Variants in DAB1 observed in about 807,000 individuals in gnomAD.
The protein encoded by DAB1 is disabled homolog 1.
A neutral mutation model predicts 64.6 loss-of-function variants in DAB1; 15 were observed. The observed-to-expected ratio is 0.23, with a 90% confidence interval of 0.16 to 0.36. The LOEUF is 0.36. DAB1 is among the 10% of genes least tolerant of loss of function. The pLI is 1.00. For missense variants in DAB1, 596 were observed against 706.7 expected (o/e 0.84, Z 1.78); for synonymous variants, 235 against 251.9 (o/e 0.93, Z 0.64).
At chr1:57,690,813 G>C (rs1180532379) in intron 6 of DAB1, among the ~76,000 whole-genome samples, 1 of 152,048 alleles carries the variant, frequency 6.6e-6, no homozygotes, top group Non-Finnish European at 1.5e-5. Flanking sequence ...ATTTGTTATT[G>C]CCTGCATTTT....
chr1:58,053,533 C>A (rs916029732), intron 5 of DAB1, among the ~76,000 whole-genome samples: 1 of 152,130 alleles, frequency 6.6e-6, no homozygotes, highest in Non-Finnish European at 1.5e-5. Flanking sequence ...AGGAATCTGC[C>A]CCCATCACTC....
intron 4 of DAB1, among the ~76,000 whole-genome samples, chr1:58,189,683 G>T (rs1657280808): frequency 6.6e-6 from 1 of 152,190 alleles, no homozygotes. Context: ...CTTATCTCTT[G>T]TCCTTACTAC....
intron 5 of DAB1, among the ~76,000 whole-genome samples, chr1:58,141,760 G>A (rs1391564074): frequency 2.0e-5 from 3 of 152,200 alleles, no homozygotes; most frequent in Non-Finnish European, 4.4e-5. Context: ...AGTAAAAACA[G>A]GAGTTGGTTT....
At chr1:57,235,468 T>C (rs1394162973) in intron 2 of DAB1, among the ~76,000 whole-genome samples, 2 of 152,182 alleles carry the variant, frequency 1.3e-5, no homozygotes, top group African/African-American at 2.4e-5. Context: ...ATGCCTGATA[T>C]ATATTAGCTC....
intron 7 of DAB1, among the ~76,000 whole-genome samples, chr1:57,509,396 T>C (rs1162696802): frequency 2.0e-5 from 3 of 152,196 alleles, no homozygotes; most frequent in Non-Finnish European, 4.4e-5. Context: ...GAGAAGAATG[T>C]GGCTGAAAAG....
chr1:57,122,234 G>C (rs1656731042), intron 4 of DAB1, among the ~76,000 whole-genome samples: 1 of 152,194 alleles, frequency 6.6e-6, no homozygotes, highest in Admixed American at 6.5e-5. Context: ...TATGAAGCCT[G>C]TGGAGCAAGA....
intron 1 of DAB1, among the ~76,000 whole-genome samples, chr1:57,353,902 T>C (rs960877661): frequency 6.6e-6 from 1 of 152,200 alleles, no homozygotes; most frequent in African/African-American, 2.4e-5. Context: ...GGATGTTATC[T>C]ATAAACACCT....
At chr1:58,153,138 G>C (rs941132023) in intron 4 of DAB1, among the ~76,000 whole-genome samples, 1 of 152,168 alleles carries the variant, frequency 6.6e-6, no homozygotes, top group Admixed American at 6.5e-5. Context: ...AACCCTACCT[G>C]TCCATCTAGA....
rs1265864298 is a variant in DAB1 at position 58,383,220 on chromosome 1, G to A, written n.258-39817C>T. ...ATATAGATAAACAAACTTGAGTACAGATAGGTTAAATTATTTAAAAGGATC... is the reference window on the plus strand; with the variant it reads ...ATATAGATAAACAAACTTGAGTACAAATAGGTTAAATTATTTAAAAGGATC... On this transcript the variant is annotated intron_variant and non_coding_transcript_variant, in intron 3 of 20. Coordinates refer to the DAB1 transcript ENST00000485760. Among the ~76,000 whole-genome samples the A allele has an allele frequency of 2.6e-5, 4 of 152,300 alleles. No homozygotes were observed. The East Asian group carries it at 7.7e-4, about 29-fold the overall frequency.
intron 4 of DAB1, among the ~76,000 whole-genome samples, chr1:58,280,512 T>C (rs374441459): frequency 6.6e-6 from 1 of 152,202 alleles, no homozygotes; most frequent in Non-Finnish European, 1.5e-5. Context: ...AGGATTGTCA[T>C]AAAGACAAAC....
chr1:57,876,737 T>C (rs962227996), intron 1 of DAB1: 1 of 152,132 alleles, frequency 6.6e-6, no homozygotes, highest in African/African-American at 2.4e-5. Context: ...CTAGTTGACA[T>C]GCAGGCTGGA....
chr1:57,981,854 G>C (rs1267579636), intron 5 of DAB1, among the ~76,000 whole-genome samples: 1 of 152,170 alleles, frequency 6.6e-6, no homozygotes, highest in Non-Finnish European at 1.5e-5. Flanking sequence ...ACAGGATACT[G>C]TTCAATAAAT....
At chr1:57,145,727 A>C (rs1316641762) in intron 2 of DAB1, among the ~76,000 whole-genome samples, 1 of 152,248 alleles carries the variant, frequency 6.6e-6, no homozygotes, top group African/African-American at 2.4e-5. Context: ...ATATGTGTGA[A>C]GCATCTAATT....
At chr1:57,676,572 G>A (rs1646568386) in intron 6 of DAB1, among the ~76,000 whole-genome samples, 1 of 152,132 alleles carries the variant, frequency 6.6e-6, no homozygotes, top group Non-Finnish European at 1.5e-5. Context: ...CATCTAGCTG[G>A]GAAAAGAAGA....
At chr1:57,524,912 A>G (rs1398505470) in intron 7 of DAB1, among the ~76,000 whole-genome samples, 1 of 152,200 alleles carries the variant, frequency 6.6e-6, no homozygotes, top group East Asian at 1.9e-4. Context: ...AACCAGACCA[A>G]AACTGCTCAC....
At chr1:57,397,493 C>T (rs145123140) in intron 1 of DAB1, among the ~76,000 whole-genome samples, 3 of 152,284 alleles carry the variant, frequency 2.0e-5, no homozygotes, top group East Asian at 1.9e-4. Flanking sequence ...TCCCATTCCA[C>T]GAACATTTAC....
chr1:57,365,780 T>C (rs1025898129), intron 1 of DAB1, among the ~76,000 whole-genome samples: 4 of 152,174 alleles, frequency 2.6e-5, no homozygotes, highest in African/African-American at 9.7e-5. Flanking sequence ...AGATTGTGTC[T>C]TGCTAGAGGT....
At chr1:57,772,962 T>C (rs939441384) in intron 6 of DAB1, among the ~76,000 whole-genome samples, 5 of 151,914 alleles carry the variant, frequency 3.3e-5, no homozygotes, top group African/African-American at 1.2e-4. Context: ...GGCACACACA[T>C]ACAGGAGAAT....
At chr1:57,945,452 A>T (rs6690830) in intron 5 of DAB1, among the ~76,000 whole-genome samples, 161 of 108,266 alleles carry the variant, frequency 1.5e-3, no homozygotes, top group African/African-American at 4.9e-3. Context: ...TATTATTATT[A>T]TTATTTTGGC....
Sources: gnomAD v4.1 joint callset for allele counts (sites outside exome capture counted in the v4.1 genomes callset) on GRCh38, gnomAD v4.1.1 for gene constraint, MANE v1.5 for transcripts, NCBI Gene and HGNC (gene_info 2026-07-23, HGNC 2026-07-21) for gene names.